NPAS3: variants seen among roughly 807,000 people sequenced by gnomAD.
NPAS3 encodes the protein neuronal PAS domain-containing protein 3.
In NPAS3, 14 loss-of-function variants were observed where a neutral mutation model predicts 73.1. That is an observed-to-expected ratio of 0.19 (90% CI 0.13 to 0.30). The LOEUF is 0.30. Among genes scored for constraint, NPAS3 ranks in the 10% least tolerant of loss-of-function variants. The pLI is 1.00. For synonymous variants in NPAS3, 620 were observed against 541.5 expected (o/e 1.14, Z -2.01); for missense variants, 1,096 against 1,250.0 (o/e 0.88, Z 1.86).
chr14:33,389,446 A>G (rs950888362), intron 4 of NPAS3, among the ~76,000 whole-genome samples: 2 of 152,162 alleles, frequency 1.3e-5, no homozygotes, highest in African/African-American at 4.8e-5. Flanking sequence ...TGTTATTAGA[A>G]ACAGAACTCT....
chr14:33,462,337 C>A (rs1444825128), intron 4 of NPAS3, among the ~76,000 whole-genome samples: 1 of 152,192 alleles, frequency 6.6e-6, no homozygotes, highest in African/African-American at 2.4e-5. Context: ...TGGTTCTCGT[C>A]TCCTTCTGGG....
At chr14:33,482,114 A>C (rs887691449) in intron 4 of NPAS3, among the ~76,000 whole-genome samples, 1 of 149,852 alleles carries the variant, frequency 6.7e-6, no homozygotes, top group Non-Finnish European at 1.5e-5. Context: ...GTTGTAAATT[A>C]TTCCCAGAAA....
intron 1 of NPAS3, among the ~76,000 whole-genome samples, chr14:33,038,560 T>G (rs921549750): frequency 2.0e-5 from 3 of 152,056 alleles, no homozygotes; most frequent in East Asian, 3.9e-4. Flanking sequence ...TATAAAATGA[T>G]ATAATGTGTA....
At chr14:33,365,073 C>T (rs571202735) in intron 3 of NPAS3, among the ~76,000 whole-genome samples, 3 of 151,368 alleles carry the variant, frequency 2.0e-5, no homozygotes, top group African/African-American at 7.3e-5. Flanking sequence ...AAGTGCCCCC[C>T]CAAATTATGA....
At chr14:33,644,782 T>A (rs2058774339) in intron 5 of NPAS3, among the ~76,000 whole-genome samples, 1 of 152,086 alleles carries the variant, frequency 6.6e-6, no homozygotes. Context: ...AAGAAAATGC[T>A]AATCAAGAAT....
chr14:33,541,099 GTGTGT>G lies in NPAS3; in HGVS notation c.469-19021_469-19017del, dbSNP rs1566985329. On this transcript the variant is annotated intron_variant, in intron 4 of 11. Transcript: ENST00000356141. ...CTATTGTTGGGGTATGTTTAGAGGT[GTGTGT>G]GTGTGTGTGTGTGTGTGTGTGTGCA... Among the ~76,000 whole-genome samples, 145 of 148,610 alleles carry G rather than the reference GTGTGT, an allele frequency of 9.8e-4. 1 individual carries two copies. Among genetic ancestry groups the G allele is most frequent in the African/African-American group, 3.4e-3 (137 of 40,788 alleles).
At chr14:33,769,756 C>A in intron 7 of NPAS3, among the ~76,000 whole-genome samples, 1 of 81,854 alleles carries the variant, frequency 1.2e-5, no homozygotes, top group Non-Finnish European at 2.2e-5. Flanking sequence ...TTTTTTTTTT[C>A]TTTTTTTTTT....
In NPAS3 at chr14:33,529,646, T is replaced by G. The variant is rs115992697; in HGVS notation, c.469-30475T>G. 4.8e-3 allele frequency among the ~76,000 whole-genome samples: 726 copies of G among 151,832 alleles called. 6 individuals carry two copies. The highest frequency in any genetic ancestry group is 0.016 in the African/African-American group (672 of 41,438). Reference sequence around the variant, plus strand: ...TTTTTCTTTTATGTATGTATGTATGTTTTTTTTCTTAAGCATGTTGGCTGT... The same window carrying G: ...TTTTTCTTTTATGTATGTATGTATGGTTTTTTTCTTAAGCATGTTGGCTGT... On this transcript the variant is annotated intron_variant, in intron 4 of 11. Transcript: ENST00000356141.
rs547140724 is a variant in NPAS3, at chr14:33,505,433, A to G, written c.469-54688A>G. 2.0e-5 allele frequency among the ~76,000 whole-genome samples: 3 copies of G among 152,144 alleles called. No homozygotes were observed. The Middle Eastern group carries it at 0.01, about 517-fold the overall frequency. ...ACATGTTCCTTCGAAAGTTTTGAAGAAAGCCCACTTGCTGGAAATTCACAT... is the reference window on the plus strand; with the variant it reads ...ACATGTTCCTTCGAAAGTTTTGAAGGAAGCCCACTTGCTGGAAATTCACAT... On this transcript the variant is annotated intron_variant, in intron 4 of 11. Coordinates refer to ENST00000356141, the Ensembl canonical transcript of NPAS3.
intron 9 of NPAS3, among the ~76,000 whole-genome samples, chr14:33,778,823 T>G (rs2062896770): frequency 6.6e-6 from 1 of 152,246 alleles, no homozygotes; most frequent in South Asian, 2.1e-4. Flanking sequence ...TGTCTTTTGC[T>G]GTCTCTCCTA....
chr14:33,244,453 A>G (rs915800027), intron 3 of NPAS3, among the ~76,000 whole-genome samples: 11 of 152,144 alleles, frequency 7.2e-5, no homozygotes, highest in African/African-American at 2.7e-4. Context: ...TGATAGTGGT[A>G]CATAAACACT....
At chr14:33,272,960 A>G (rs1271366006) in intron 3 of NPAS3, among the ~76,000 whole-genome samples, 1 of 152,222 alleles carries the variant, frequency 6.6e-6, no homozygotes, top group Non-Finnish European at 1.5e-5. Context: ...ACTTTGGCCC[A>G]GCATTTCCAA....
intron 4 of NPAS3, among the ~76,000 whole-genome samples, chr14:33,471,830 C>T (rs1282380162): frequency 6.6e-6 from 1 of 152,194 alleles, no homozygotes; most frequent in Non-Finnish European, 1.5e-5. Flanking sequence ...AGCAGGCAAG[C>T]GGCGAGCGAG....
At chr14:33,534,228 A>G (rs1465060447) in intron 4 of NPAS3, among the ~76,000 whole-genome samples, 1 of 152,038 alleles carries the variant, frequency 6.6e-6, no homozygotes, top group Non-Finnish European at 1.5e-5. Context: ...AAAAAAAAAA[A>G]AAAAAAACTC....
intron 2 of NPAS3, among the ~76,000 whole-genome samples, chr14:33,125,575 G>A (rs1330374788): frequency 2.6e-5 from 4 of 152,076 alleles, no homozygotes; most frequent in Non-Finnish European, 5.9e-5. Context: ...ATCGAGAACT[G>A]ATGATTCCAT....
chr14:33,051,147 G>A (rs970738435), intron 1 of NPAS3, among the ~76,000 whole-genome samples: 4 of 151,300 alleles, frequency 2.6e-5, no homozygotes, highest in African/African-American at 4.9e-5. Flanking sequence ...GGTGGCGGGC[G>A]CCTGTAGTCC....
intron 4 of NPAS3, among the ~76,000 whole-genome samples, chr14:33,442,412 TAAAA>T (rs59873637): frequency 3.4e-5 from 5 of 147,712 alleles, no homozygotes; most frequent in East Asian, 2.0e-4. Context: ...GTTCCTGTCT[TAAAA>T]AAAAAAAAAA....
At chr14:33,272,485 C>T (rs1030157104) in intron 3 of NPAS3, among the ~76,000 whole-genome samples, 1 of 152,120 alleles carries the variant, frequency 6.6e-6, no homozygotes, top group African/African-American at 2.4e-5. Flanking sequence ...AGCATGATCT[C>T]GGCTCACTGC....
chr14:33,455,889 G>A (rs1166532569), intron 4 of NPAS3, among the ~76,000 whole-genome samples: 2 of 152,154 alleles, frequency 1.3e-5, no homozygotes, highest in Non-Finnish European at 1.5e-5. Flanking sequence ...TCTGTTAACA[G>A]CAATGGGAAT....
Sources: allele counts gnomAD v4.1 joint callset (sites outside exome capture counted in the v4.1 genomes callset), GRCh38; gene constraint gnomAD v4.1.1; transcripts MANE v1.5; gene names NCBI Gene and HGNC (gene_info 2026-07-23, HGNC 2026-07-21).